PSD3: variants seen among roughly 807,000 people sequenced by gnomAD.
PSD3 encodes pleckstrin and Sec7 domain containing 3, also known as PH and SEC7 domain-containing protein 3.
Under a neutral mutation model 105.5 loss-of-function variants are expected in PSD3, and 49 were observed. The ratio of observed to expected loss-of-function variants is 0.46; its 90% CI spans 0.37 to 0.59. PSD3 has a LOEUF of 0.59. Ranked by LOEUF, PSD3 falls within the 20% of genes least tolerant of loss-of-function variation. The pLI, the probability that PSD3 is intolerant of heterozygous loss-of-function variation, is 0.00. For missense variants in PSD3, 1,561 were observed against 1,263.8 expected (o/e 1.24, Z -3.57); for synonymous variants, 557 against 457.8 (o/e 1.22, Z -2.77).
intron 2 of PSD3, among the ~76,000 whole-genome samples, chr8:18,910,182 G>T (rs1244216831): frequency 2.0e-5 from 3 of 151,394 alleles, no homozygotes; most frequent in African/African-American, 7.3e-5. Flanking sequence ...AAAGACACAT[G>T]CACACGTATG....
In PSD3 at chr8:18,872,681, T is replaced by G; in HGVS notation, c.183A>C (p.Pro61=). The G allele has an allele frequency of 6.3e-7, 1 of 1,592,738 alleles. No individual in the cohort carries two copies. The highest frequency in any genetic ancestry group is 8.5e-7 in the Non-Finnish European group (1 of 1,172,380). ...CACCTTCCTCCATGGTCCCATATTC[T>G]GGAAATTCATTTGTGACATTTGGTG... The part of the protein sequence containing the change: ...LLPPNVTNEF[P]EYGTMEEGGE... The change falls in exon 3 of 16, where the codon CCA becomes CCC. Residue 61 remains proline, a synonymous_variant. Transcript: ENST00000327040.
At chr8:18,560,522 A>T (rs1005588060) in intron 14 of PSD3, among the ~76,000 whole-genome samples, 1 of 152,172 alleles carries the variant, frequency 6.6e-6, no homozygotes. Flanking sequence ...ACAAACTCAT[A>T]AAATTGTTTT....
At chr8:18,906,637 T>C (rs552119366) in intron 2 of PSD3, among the ~76,000 whole-genome samples, 7 of 152,304 alleles carry the variant, frequency 4.6e-5, no homozygotes, top group African/African-American at 1.4e-4. Context: ...TCAGAAGTGG[T>C]AGTATCATAT....
At chr8:18,608,086 G>C (rs1804990637) in intron 11 of PSD3, among the ~76,000 whole-genome samples, 1 of 152,158 alleles carries the variant, frequency 6.6e-6, no homozygotes, top group Non-Finnish European at 1.5e-5. Flanking sequence ...CAGGCATGCT[G>C]ATGCATGCCT....
At chr8:19,019,355 A>T (rs1325625987) in intron 1 of PSD3, among the ~76,000 whole-genome samples, 1 of 152,158 alleles carries the variant, frequency 6.6e-6, no homozygotes, top group East Asian at 1.9e-4. Flanking sequence ...TCTATGGCTC[A>T]CTCCTCTTTA....
intron 1 of PSD3, among the ~76,000 whole-genome samples, chr8:18,967,899 G>A (rs1026107468): frequency 2.6e-5 from 4 of 152,132 alleles, no homozygotes; most frequent in African/African-American, 9.7e-5. Flanking sequence ...GGTATCGAGG[G>A]CCCATTCACA....
intron 8 of PSD3, 178 bp downstream of exon 8, chr8:18,799,117 G>A: frequency 1.7e-6 from 1 of 587,386 alleles, no homozygotes; most frequent in Non-Finnish European, 3.0e-6. Flanking sequence ...GTCATACTCT[G>A]TGCTAGCATG....
At chr8:18,676,748 T>A (rs11774964) in intron 9 of PSD3, among the ~76,000 whole-genome samples, 70,530 of 152,108 alleles carry the variant, frequency 0.46, 19,309 homozygotes, top group Non-Finnish European at 0.6. Context: ...TTGATAACAA[T>A]ATCTGTGCTT....
At chr8:18,912,782 T>C (rs902428378) in intron 2 of PSD3, among the ~76,000 whole-genome samples, 30 of 152,176 alleles carry the variant, frequency 2.0e-4, no homozygotes, top group Non-Finnish European at 5.9e-5. Context: ...TCATCACAAA[T>C]TTCAAGCTAG....
intron 8 of PSD3, among the ~76,000 whole-genome samples, chr8:18,783,654 G>A (rs1808850481): frequency 6.6e-6 from 1 of 152,154 alleles, no homozygotes; most frequent in Non-Finnish European, 1.5e-5. Context: ...TTGTTGTTGA[G>A]ACGTAGTCTT....
chr8:18,585,279 G>A (rs1278500597), intron 12 of PSD3, among the ~76,000 whole-genome samples: 1 of 152,172 alleles, frequency 6.6e-6, no homozygotes, highest in Non-Finnish European at 1.5e-5. Flanking sequence ...GGAAGATTGT[G>A]AAAAGGGAGG....
intron 15 of PSD3, among the ~76,000 whole-genome samples, chr8:18,555,770 C>T (rs951479318): frequency 6.6e-6 from 1 of 152,144 alleles, no homozygotes; most frequent in African/African-American, 2.4e-5. Flanking sequence ...AAGAAAAACG[C>T]ATAGTGTTGC....
At chr8:18,566,624 G>A (rs1801780312) in intron 14 of PSD3, among the ~76,000 whole-genome samples, 1 of 152,012 alleles carries the variant, frequency 6.6e-6, no homozygotes, top group African/African-American at 2.4e-5. Context: ...GCTGGGTGAT[G>A]CAATTCAGTG....
At chr8:18,655,573 C>G in intron 10 of PSD3, 69 bp downstream of exon 10, 2 of 1,400,572 alleles carry the variant, frequency 1.4e-6, no homozygotes. Context: ...AGATCACTTC[C>G]AAGGCATAAA....
At chr8:18,680,142 T>C (rs1033813648) in intron 9 of PSD3, among the ~76,000 whole-genome samples, 2 of 152,202 alleles carry the variant, frequency 1.3e-5, no homozygotes, top group African/African-American at 4.8e-5. Flanking sequence ...AAATTAGTAC[T>C]AGAATAATTT....
chr8:18,920,756 TA>T (rs1356556280), intron 2 of PSD3, among the ~76,000 whole-genome samples: 3 of 152,176 alleles, frequency 2.0e-5, no homozygotes, highest in Admixed American at 1.3e-4. Flanking sequence ...TCCCAGGGAC[TA>T]AAACTTGTCT....
At chr8:18,933,795 G>T (rs1821900325) in intron 2 of PSD3, among the ~76,000 whole-genome samples, 1 of 152,096 alleles carries the variant, frequency 6.6e-6, no homozygotes, top group Non-Finnish European at 1.5e-5. Context: ...AAAAGTCTGG[G>T]GATAACTATA....
intron 4 of PSD3, among the ~76,000 whole-genome samples, chr8:18,846,823 T>C (rs926850211): frequency 6.6e-6 from 1 of 152,010 alleles, no homozygotes; most frequent in Non-Finnish European, 1.5e-5. Flanking sequence ...TTATGGCAGG[T>C]TGGTGCTGGA....
At chr8:18,905,805 A>G (rs141392533) in intron 2 of PSD3, among the ~76,000 whole-genome samples, 6,981 of 152,294 alleles carry the variant, frequency 0.046, 199 homozygotes, top group Admixed American at 0.08. Context: ...TAACATACAA[A>G]TAATTCACGA....
Sources: gnomAD v4.1 joint callset for allele counts (sites outside exome capture counted in the v4.1 genomes callset) on GRCh38, gnomAD v4.1.1 for gene constraint, MANE v1.5 for transcripts, NCBI Gene and HGNC (gene_info 2026-07-23, HGNC 2026-07-21) for gene names.